Variants in HIBCH observed in about 807,000 individuals in gnomAD.
The protein encoded by HIBCH is 3-hydroxyisobutyryl-CoA hydrolase.
In HIBCH, 50 loss-of-function variants were observed where a neutral mutation model predicts 58.2. The observed-to-expected ratio is 0.86, with a 90% CI of 0.68 to 1.09. The LOEUF (loss-of-function observed/expected upper bound fraction) is 1.09, where lower values mean the gene tolerates loss of function less well. HIBCH is among the 50% of genes least tolerant of loss of function. HIBCH has a pLI of 0.00. For synonymous variants in HIBCH, 151 were observed against 146.9 expected, an observed-to-expected ratio of 1.03 and a Z score of -0.20; for missense variants, 450 against 449.7, an observed-to-expected ratio of 1.00 and a Z score of -0.01.
intron 2 of HIBCH, among the ~76,000 whole-genome samples, chr2:190,300,980 G>C (rs1688242639): frequency 6.6e-6 from 1 of 151,732 alleles, no homozygotes; most frequent in Admixed American, 6.6e-5. Context: ...ATGGCTGTAA[G>C]TTAGTCAAAA....
At chr2:190,232,388 A>T (rs1686127885) in intron 11 of HIBCH, among the ~76,000 whole-genome samples, 1 of 152,182 alleles carries the variant, frequency 6.6e-6, no homozygotes, top group Non-Finnish European at 1.5e-5. Context: ...TCTGGAATTG[A>T]GGTATGTGCT....
intron 7 of HIBCH, among the ~76,000 whole-genome samples, chr2:190,256,383 A>G (rs528667204): frequency 3.3e-5 from 5 of 149,268 alleles, no homozygotes; most frequent in South Asian, 2.1e-4. Context: ...AACACAAAGC[A>G]AGATCTTGCC....
At chr2:190,242,729 A>G (rs1208638916) in intron 11 of HIBCH, among the ~76,000 whole-genome samples, 1 of 152,142 alleles carries the variant, frequency 6.6e-6, no homozygotes, top group Non-Finnish European at 1.5e-5. Context: ...AGAAATGGAG[A>G]CTGTGATTGT....
At position 190,210,872 on chromosome 2, in the gene HIBCH, T is replaced by C. The variant is rs1252104241; in HGVS notation, c.1012-1959A>G. Among the ~76,000 whole-genome samples, 2 of 152,216 alleles carry C rather than the reference T, an allele frequency of 1.3e-5. No homozygotes were observed. The highest frequency in any genetic ancestry group is 2.4e-5 in the African/African-American group (1 of 41,458). ...GGAATTCACTCAAAGAACATCTCAG[T>C]GAGGCCTTCTCTGGTCATCCCATCT... On this transcript the variant is annotated intron_variant, in intron 12 of 13. Coordinates refer to ENST00000359678, the MANE Select transcript of HIBCH (RefSeq NM_014362.4). The surrounding 1 kb of genome is among the most constrained non-coding windows in gnomAD (Gnocchi z 5.5).
chr2:190,217,054 G>A lies in HIBCH; in HGVS notation c.892-3979C>T, dbSNP rs138131708. On this transcript the variant is annotated intron_variant, in intron 11 of 13. Transcript: ENST00000359678. The surrounding 1 kb of genome is among the most constrained non-coding windows in gnomAD (Gnocchi z 4.6). ...TTTTGCTAATGAAAGTGCCCCTCAG[G>A]AAAGGTGCCACAGGCTGTTAGCTCT... Among the ~76,000 whole-genome samples the A allele has an allele frequency of 6.6e-6, 1 of 152,320 alleles. No individual in the cohort carries two copies. Among genetic ancestry groups the A allele is most frequent in the African/African-American group, 2.4e-5 (1 of 41,566 alleles).
intron 11 of HIBCH, among the ~76,000 whole-genome samples, chr2:190,240,231 G>T (rs1465594513): frequency 6.6e-6 from 1 of 152,130 alleles, no homozygotes; most frequent in Non-Finnish European, 1.5e-5. Flanking sequence ...GTCCTGGGAA[G>T]GTGTATGTGT....
intron 11 of HIBCH, among the ~76,000 whole-genome samples, chr2:190,229,088 CCTACTGTATGG>C (rs1686013628): frequency 6.6e-6 from 1 of 152,110 alleles, no homozygotes; most frequent in African/African-American, 2.4e-5. Context: ...GTGTGACATG[CCTACTGTATGG>C]GGTATGCAAA....
intron 6 of HIBCH, among the ~76,000 whole-genome samples, chr2:190,271,219 C>G (rs1404896133): frequency 1.3e-5 from 2 of 151,162 alleles, no homozygotes; most frequent in African/African-American, 4.9e-5. Flanking sequence ...CAAAACCCAT[C>G]AAGTCTTCTC....
chr2:190,300,326 G>C (rs570277480), intron 2 of HIBCH, among the ~76,000 whole-genome samples: 1 of 152,010 alleles, frequency 6.6e-6, no homozygotes, highest in East Asian at 1.9e-4. Context: ...ACCAGCATCT[G>C]TTATTTTTTG....
chr2:190,305,264 G>T (rs144546797), intron 2 of HIBCH, among the ~76,000 whole-genome samples: 1 of 152,034 alleles, frequency 6.6e-6, no homozygotes, highest in Non-Finnish European at 1.5e-5. Flanking sequence ...AGATGAGTCC[G>T]AGATGACTTT....
chr2:190,252,378 T>C (rs1004238449), intron 7 of HIBCH, 71 bp from the exon 8 acceptor site: 84 of 1,302,038 alleles, frequency 6.5e-5, no homozygotes, highest in Non-Finnish European at 8.4e-5. Flanking sequence ...CTTTTTGCCG[T>C]AGATCACACA....
intron 4 of HIBCH, 45 bp from the exon 5 acceptor site, chr2:190,290,530 C>A (rs1443370316): frequency 8.9e-7 from 1 of 1,128,522 alleles, no homozygotes; most frequent in Non-Finnish European, 1.3e-6. Flanking sequence ...ATTTAATAGT[C>A]AACATTGTCA....
chr2:190,258,628 A>G (rs1686998923), intron 7 of HIBCH, among the ~76,000 whole-genome samples: 1 of 152,238 alleles, frequency 6.6e-6, no homozygotes, highest in African/African-American at 2.4e-5. Flanking sequence ...TGTATATACG[A>G]CAACAATCGT....
At chr2:190,198,888 T>C (rs1368812132) in intron 1 of HIBCH, among the ~76,000 whole-genome samples, 1 of 152,176 alleles carries the variant, frequency 6.6e-6, no homozygotes, top group Non-Finnish European at 1.5e-5. Flanking sequence ...ATCACAAGCA[T>C]TGTCATCTAT....
chr2:190,305,657 T>A (rs1296333768), intron 2 of HIBCH, among the ~76,000 whole-genome samples: 2 of 152,110 alleles, frequency 1.3e-5, no homozygotes, highest in Non-Finnish European at 2.9e-5. Flanking sequence ...AATAGCAATG[T>A]AGGATCACAT....
chr2:190,269,735 G>A (rs920163058), intron 6 of HIBCH, among the ~76,000 whole-genome samples: 9 of 152,182 alleles, frequency 5.9e-5, no homozygotes, highest in Middle Eastern at 3.4e-3. Context: ...TATACCCAAA[G>A]GATTATAAAT....
At chr2:190,242,612 G>C (rs765432535) in intron 11 of HIBCH, among the ~76,000 whole-genome samples, 32 of 152,050 alleles carry the variant, frequency 2.1e-4, no homozygotes, top group Non-Finnish European at 4.0e-4. Flanking sequence ...TTTTGTGTGG[G>C]TGTCCTTTTT....
chr2:190,268,225 T>A (rs181089846), intron 6 of HIBCH, among the ~76,000 whole-genome samples: 518 of 152,326 alleles, frequency 3.4e-3, no homozygotes, highest in African/African-American at 0.012. Context: ...ATTTAAAAAG[T>A]TATACCACTT....
chr2:190,305,319 G>A (rs571849214), intron 2 of HIBCH, among the ~76,000 whole-genome samples: 2 of 152,144 alleles, frequency 1.3e-5, no homozygotes, highest in Non-Finnish European at 2.9e-5. Context: ...TCTGAAGGCT[G>A]CAAGTCTAAA....
Sources: gnomAD v4.1 joint callset for allele counts (sites outside exome capture counted in the v4.1 genomes callset) on GRCh38, gnomAD v4.1.1 for gene constraint, Gnocchi (gnomAD v3.1) non-coding constraint, MANE v1.5 for transcripts, NCBI Gene and HGNC (gene_info 2026-07-23, HGNC 2026-07-21) for gene names.